The following PDE7B variants were observed in gnomAD, a reference collection of about 807,000 sequenced individuals.
PDE7B encodes the protein 3',5'-cyclic-AMP phosphodiesterase 7B.
Under a neutral mutation model 56.2 loss-of-function variants are expected in PDE7B, and 29 were observed. The ratio of observed to expected loss-of-function variants is 0.52; its 90% CI spans 0.38 to 0.70. The LOEUF is 0.70. Ranked by LOEUF, PDE7B falls within the 30% of genes least tolerant of loss-of-function variation. PDE7B has a pLI of 0.00. For synonymous variants in PDE7B, 197 were observed against 196.9 expected, an observed-to-expected ratio of 1.00 and a Z score of 0.00; for missense variants, 490 against 565.0, an observed-to-expected ratio of 0.87 and a Z score of 1.35.
At chr6:136,006,044 T>G (rs1775775408) in intron 2 of PDE7B, among the ~76,000 whole-genome samples, 1 of 151,916 alleles carries the variant, frequency 6.6e-6, no homozygotes, top group South Asian at 2.1e-4. Flanking sequence ...GATGAGATCA[T>G]GTCCTTTGTA....
intron 2 of PDE7B, among the ~76,000 whole-genome samples, chr6:136,021,474 A>C (rs1776069841): frequency 6.6e-6 from 1 of 151,980 alleles, no homozygotes; most frequent in African/African-American, 2.4e-5. Flanking sequence ...ATGAGACCCC[A>C]TCTCTACTAA....
At chr6:136,053,045 T>C (rs1336671482) in intron 2 of PDE7B, among the ~76,000 whole-genome samples, 1 of 152,156 alleles carries the variant, frequency 6.6e-6, no homozygotes, top group Non-Finnish European at 1.5e-5. Flanking sequence ...GGAAAGAGGT[T>C]TAATGGACTC....
chr6:135,905,444 ACCAGATT>A (rs1031948810), intron 1 of PDE7B, among the ~76,000 whole-genome samples: 2 of 151,968 alleles, frequency 1.3e-5, no homozygotes, highest in African/African-American at 4.8e-5. Flanking sequence ...AGAAACACTA[ACCAGATT>A]CCAAAGTCTT....
chr6:136,177,450 AAAC>A (rs1202218420), intron 9 of PDE7B, among the ~76,000 whole-genome samples: 2 of 152,332 alleles, frequency 1.3e-5, no homozygotes, highest in African/African-American at 4.8e-5. Flanking sequence ...AGAACCTCAG[AAAC>A]AATAAGAAAA....
intron 2 of PDE7B, among the ~76,000 whole-genome samples, chr6:135,976,652 T>C (rs1260763962): frequency 3.3e-5 from 5 of 152,188 alleles, no homozygotes; most frequent in African/African-American, 1.2e-4. Context: ...TTTTAAATCA[T>C]AGCAAATGCC....
chr6:135,905,952 T>C (rs1242092373), intron 1 of PDE7B, among the ~76,000 whole-genome samples: 1 of 152,204 alleles, frequency 6.6e-6, no homozygotes, highest in Non-Finnish European at 1.5e-5. Flanking sequence ...GGTGACCCTG[T>C]AATTTTCCTC....
At chr6:136,012,954 A>T (rs1775918474) in intron 2 of PDE7B, among the ~76,000 whole-genome samples, 1 of 152,174 alleles carries the variant, frequency 6.6e-6, no homozygotes, top group African/African-American at 2.4e-5. Context: ...AGAAAAATGG[A>T]GACATGAAAC....
chr6:135,931,554 T>C (rs963899548), intron 1 of PDE7B, among the ~76,000 whole-genome samples: 1 of 152,210 alleles, frequency 6.6e-6, no homozygotes, highest in Non-Finnish European at 1.5e-5. Flanking sequence ...AAAGGTTTAA[T>C]ATTTTCATTT....
rs530811801 is a variant in PDE7B, at chr6:136,189,998, C to T, written c.1127-1616C>T. 6.6e-5 allele frequency among the ~76,000 whole-genome samples: 10 copies of T among 151,958 alleles called. No individual in the cohort carries two copies. The East Asian group carries it at 1.4e-3, about 21-fold the overall frequency. Reference sequence around the variant, plus strand: ...AAGAAAATGAGGCTTTTCTTTTTTTCGAGTTGGATTTTAAAATGTTGGATA... The same window carrying T: ...AAGAAAATGAGGCTTTTCTTTTTTTTGAGTTGGATTTTAAAATGTTGGATA... On this transcript the variant is annotated intron_variant, in intron 12 of 12. Coordinates refer to ENST00000308191, the MANE Select transcript of PDE7B (RefSeq NM_018945.4).
chr6:135,959,767 T>TA lies in PDE7B; in HGVS notation c.82+12254dup, dbSNP rs34520299. Among the ~76,000 whole-genome samples, 299 of 149,376 alleles carry TA rather than the reference T, an allele frequency of 2.0e-3. 1 individual carries two copies. Among genetic ancestry groups the TA allele is most frequent in the Middle Eastern group, 6.8e-3 (2 of 292 alleles). On this transcript the variant is annotated intron_variant, in intron 2 of 12. Coordinates refer to ENST00000308191, the MANE Select transcript of PDE7B (RefSeq NM_018945.4). The stretch of plus-strand genomic sequence containing the variant: ...TTTGGAATATCACAGAGTCTTTTCT[T>TA]AAAAAAAAAAAGTTTACATTTTTGG...
At chr6:136,160,594 C>T (rs2128448504) in intron 8 of PDE7B, among the ~76,000 whole-genome samples, 1 of 152,234 alleles carries the variant, frequency 6.6e-6, no homozygotes, top group Non-Finnish European at 1.5e-5. Flanking sequence ...GGTTTCAGCC[C>T]TTTTTCCACT....
intron 9 of PDE7B, among the ~76,000 whole-genome samples, chr6:136,177,176 A>G (rs1462950983): frequency 6.6e-6 from 1 of 151,920 alleles, no homozygotes; most frequent in Non-Finnish European, 1.5e-5. Flanking sequence ...AAAAATTAAG[A>G]CTTCCTGGTG....
rs202222100 is a variant in PDE7B at position 135,857,024 on chromosome 6, T to C, written c.21+5005T>C. ...TTTCCTTCTGCCCTCTTACTCCTTT[T>C]CCTCCCTCCCTCCCTCCCTCCCTCC... On this transcript the variant is annotated intron_variant, in intron 1 of 12. Coordinates refer to ENST00000308191, the MANE Select transcript of PDE7B (RefSeq NM_018945.4). Among the ~76,000 whole-genome samples, 359 of 127,240 alleles carry C rather than the reference T, an allele frequency of 2.8e-3. 4 individuals carry two copies. The highest frequency in any genetic ancestry group is 0.012 in the East Asian group (49 of 4,042). 83.5% of individuals were successfully genotyped at this position (127,240 alleles called of 152,430 possible). A position where few individuals can be genotyped will look rare whatever the true frequency, so the allele number is the denominator to read the frequency against.
chr6:136,135,830 G>A (rs1011534987), intron 3 of PDE7B, among the ~76,000 whole-genome samples: 18 of 152,178 alleles, frequency 1.2e-4, no homozygotes, highest in Middle Eastern at 3.4e-3. Context: ...AAAGTGAATC[G>A]AAGTGTTTAA....
At position 135,935,186 on chromosome 6, in the gene PDE7B, T is replaced by TTTTATATA. The variant is rs1404954510; in HGVS notation, c.22-12277_22-12276insTTATATAT. ...GACAGAGAATTTTATATATATATAT[T>TTTTATATA]TATTTATATATATATATATATATAT... On this transcript the variant is annotated intron_variant, in intron 1 of 12. Coordinates refer to ENST00000308191, the MANE Select transcript of PDE7B (RefSeq NM_018945.4). Among the ~76,000 whole-genome samples the TTTTATATA allele has an allele frequency of 2.6e-4, 10 of 38,426 alleles. 1 individual carries two copies. In the South Asian group the frequency reaches 7.1e-3, roughly 27 times the overall value. 25.2% of individuals were successfully genotyped at this position (38,426 alleles called of 152,430 possible).
intron 2 of PDE7B, among the ~76,000 whole-genome samples, chr6:136,000,971 T>C (rs569268373): frequency 2.0e-5 from 3 of 152,262 alleles, no homozygotes; most frequent in Admixed American, 1.3e-4. Context: ...GACTGACACC[T>C]CACACAGCCG....
At chr6:136,022,242 G>T (rs1776085256) in intron 2 of PDE7B, among the ~76,000 whole-genome samples, 1 of 152,144 alleles carries the variant, frequency 6.6e-6, no homozygotes, top group African/African-American at 2.4e-5. Context: ...TTTTGTTTGA[G>T]AATTTTCTGG....
chr6:136,038,925 T>G (rs559685173), intron 2 of PDE7B, among the ~76,000 whole-genome samples: 1 of 152,326 alleles, frequency 6.6e-6, no homozygotes, highest in South Asian at 2.1e-4. Context: ...GGTGGCTTTT[T>G]ATCATTCTTT....
intron 1 of PDE7B, among the ~76,000 whole-genome samples, chr6:135,863,592 T>C (rs1464933995): frequency 6.6e-6 from 1 of 151,772 alleles, no homozygotes; most frequent in African/African-American, 2.4e-5. Context: ...GGGAGGAGGA[T>C]GATAATGGAA....
Sources: gnomAD v4.1 joint callset for allele counts (sites outside exome capture counted in the v4.1 genomes callset) on GRCh38, gnomAD v4.1.1 for gene constraint, MANE v1.5 for transcripts, NCBI Gene and HGNC (gene_info 2026-07-23, HGNC 2026-07-21) for gene names.